EP400: variants seen among roughly 807,000 people sequenced by gnomAD.
EP400 encodes E1A-binding protein p400.
Under a neutral mutation model 354.1 loss-of-function variants are expected in EP400, and 105 were observed. The ratio of observed to expected loss-of-function variants is 0.30; its 90% confidence interval spans 0.25 to 0.35. EP400 has a LOEUF of 0.35. Among genes scored for constraint, EP400 ranks in the 10% least tolerant of loss-of-function variants. The probability of loss-of-function intolerance (pLI) is 1.00; values close to 1 mark genes in which losing one functional copy is unlikely to be tolerated. For missense variants in EP400, 3,280 were observed against 4,121.0 expected (o/e 0.80, Z 5.59); for synonymous variants, 1,646 against 1,716.9 (o/e 0.96, Z 1.02).
chr12:131,973,799 T>C (rs572026009), intron 2 of EP400, among the ~76,000 whole-genome samples: 62 of 152,216 alleles, frequency 4.1e-4, no homozygotes, highest in Non-Finnish European at 7.5e-4. Context: ...GGTTTTGTGG[T>C]TGTGTTGAGT....
chr12:132,017,636 A>G lies in EP400; in HGVS notation c.4025A>G (p.His1342Arg). The G allele has an allele frequency of 6.2e-7, 1 of 1,608,058 alleles. No homozygotes were observed. The highest frequency in any genetic ancestry group is 8.5e-7 in the Non-Finnish European group (1 of 1,176,406). The change falls in exon 20 of 53, where the codon CAC (histidine) becomes CGC (arginine). Residue 1342 changes from histidine to arginine, a missense_variant. Transcript: ENST00000389561. This position sits in a 1 kb window ranked among gnomAD's most constrained non-coding sequence, Gnocchi z 5.0. ...CACCCTGGGCTCGTCGAGCCCCGGC[A>G]CCCAGGCTCTTCCTACGTGGCGGGG... ...CNHPGLVEPR[H>R]PGSSYVAGPL...
At chr12:131,981,192 T>C (rs183259968) in intron 3 of EP400, among the ~76,000 whole-genome samples, 14 of 152,340 alleles carry the variant, frequency 9.2e-5, no homozygotes, top group Admixed American at 4.6e-4. Flanking sequence ...ATGCTCCTCA[T>C]GTGTGCCTGT....
chr12:131,963,429 T>A, intron 2 of EP400: 2 of 809,932 alleles, frequency 2.5e-6, no homozygotes, highest in East Asian at 2.7e-5. Context: ...ATTCCATTTT[T>A]AAACCCCAAA....
At chr12:131,988,007 T>G (rs927592510) in intron 7 of EP400, 117 bp downstream of exon 7, 7 of 869,908 alleles carry the variant, frequency 8.0e-6, no homozygotes, top group Non-Finnish European at 7.9e-6. Flanking sequence ...TTTTTTTTTT[T>G]TCCCCCAGAC....
At position 132,029,169 on chromosome 12, in the gene EP400, G is replaced by A. The variant is rs1894401522; in HGVS notation, c.5382-532G>A. On this transcript the variant is annotated intron_variant, in intron 27 of 52. Transcript: ENST00000389561. The surrounding 1 kb of genome is among the most constrained non-coding windows in gnomAD (Gnocchi z 4.7). ...TCGTTCAGTTTGAATACAGCTGGGAGTGAGTCATAGTTGATGTCCATAGCA... is the reference window on the plus strand; with the variant it reads ...TCGTTCAGTTTGAATACAGCTGGGAATGAGTCATAGTTGATGTCCATAGCA... The A allele has an allele frequency of 6.4e-6, 1 of 157,098 alleles. No individual in the cohort carries two copies. Among genetic ancestry groups the A allele is most frequent in the African/African-American group, 2.4e-5 (1 of 41,500 alleles). The allele number at this position is 157,098 out of a possible 1,614,324, so 9.7% of individuals were successfully genotyped here.
At position 132,028,000 on chromosome 12, in the gene EP400, A is replaced by G. The variant is rs191893795; in HGVS notation, c.5110-17A>G. 9,970 of 1,604,922 alleles carry G rather than the reference A, an allele frequency of 6.2e-3. 46 individuals are homozygous for G. The highest frequency in any genetic ancestry group is 7.8e-3 in the Non-Finnish European group (9,167 of 1,172,808). ...TCTGTTTCTCAAGTAACTGTTTTTC[A>G]TCACTTTTTGATAAAGGAGGAAAAG... On this transcript the variant is annotated splice_polypyrimidine_tract_variant and intron_variant, in intron 26 of 52. Transcript: ENST00000389561. The surrounding 1 kb of genome is among the most constrained non-coding windows in gnomAD (Gnocchi z 4.9).
rs201354377 is a variant in EP400 at position 132,026,816 on chromosome 12, CT to C, written c.5015-620del. 4.9e-3 allele frequency among the ~76,000 whole-genome samples: 749 copies of C among 152,324 alleles called. 5 individuals carry two copies. The highest frequency in any genetic ancestry group is 6.8e-3 in the Non-Finnish European group (463 of 68,036). On this transcript the variant is annotated intron_variant, in intron 25 of 52. Coordinates refer to ENST00000389561, the MANE Select transcript of EP400 (RefSeq NM_015409.5). ...TTTTTCCCTAAGGTGACTCTTACCC[CT>C]GGGCCCCTTTTCAGCACTCAGACAC...
At chr12:132,019,490 G>A (rs1270905703) in intron 21 of EP400, among the ~76,000 whole-genome samples, 1 of 152,058 alleles carries the variant, frequency 6.6e-6, no homozygotes, top group Non-Finnish European at 1.5e-5. Context: ...GATTGCTTGA[G>A]CCCAGGAGTT....
rs1208624533 is a variant in EP400, at chr12:132,055,145, A to G, written c.7821A>G (p.Pro2607=). 1.2e-6 allele frequency: 2 copies of G among 1,607,638 alleles called. No homozygotes were observed. The highest frequency in any genetic ancestry group is 4.5e-5 in the East Asian group (2 of 44,568). The change falls in exon 45 of 53, where the codon CCA becomes CCG. Residue 2607 remains proline (P), a synonymous_variant. Transcript: ENST00000389561. ...NVIVNTIAGV[P]AATFQSINKR... Reference sequence around the variant, plus strand: ...TCGTGAACACCATCGCAGGGGTCCCAGCTGCCACCTTCCAGTCCATCAACA... The same window carrying G: ...TCGTGAACACCATCGCAGGGGTCCCGGCTGCCACCTTCCAGTCCATCAACA...
At chr12:131,989,856 G>A (rs1157469904) in intron 7 of EP400, 108 bp from the exon 8 acceptor site, 3 of 1,303,910 alleles carry the variant, frequency 2.3e-6, no homozygotes, top group Non-Finnish European at 3.2e-6. Flanking sequence ...ATATGACAGT[G>A]AATTGTATGT....
intron 1 of EP400, among the ~76,000 whole-genome samples, chr12:131,952,506 A>T (rs929612146): frequency 6.6e-6 from 1 of 152,026 alleles, no homozygotes; most frequent in Non-Finnish European, 1.5e-5. Context: ...TCTGTCACCC[A>T]GGCTGGAGTG....
In EP400 at chr12:132,027,735, C is replaced by T. The variant is rs1212280587; in HGVS notation, c.5109+204C>T. On this transcript the variant is annotated intron_variant, in intron 26 of 52. Transcript: ENST00000389561. The surrounding 1 kb of genome is among the most constrained non-coding windows in gnomAD (Gnocchi z 4.9). Reference sequence around the variant, plus strand: ...CAATCTTTTTTTGTATTTTTTATGTCCTTCTGCAAGTCTTCCTGGGCATTA... The same window carrying T: ...CAATCTTTTTTTGTATTTTTTATGTTCTTCTGCAAGTCTTCCTGGGCATTA... Among the ~76,000 whole-genome samples the T allele has an allele frequency of 1.3e-5, 2 of 152,210 alleles. No homozygotes were observed. Among genetic ancestry groups the T allele is most frequent in the Non-Finnish European group, 2.9e-5 (2 of 68,030 alleles).
chr12:132,041,012 G>A (rs1366196437), intron 32 of EP400, among the ~76,000 whole-genome samples: 1 of 152,224 alleles, frequency 6.6e-6, no homozygotes, highest in Non-Finnish European at 1.5e-5. Flanking sequence ...CAGCAGGCGG[G>A]TCTTTGGAGG....
chr12:132,009,604 G>T (rs1477200781), intron 15 of EP400, among the ~76,000 whole-genome samples: 1 of 152,196 alleles, frequency 6.6e-6, no homozygotes, highest in Non-Finnish European at 1.5e-5. Context: ...AAAGATTGCG[G>T]TCAGCCACGA....
chr12:132,057,894 G>A (rs943324501), intron 45 of EP400, among the ~76,000 whole-genome samples: 2 of 152,144 alleles, frequency 1.3e-5, no homozygotes, highest in African/African-American at 2.4e-5. Context: ...TTTCATTCAC[G>A]ACATATTTTT....
Position 132,027,324 on chromosome 12 carries a change from G to A in EP400, c.5015-113G>A. The stretch of plus-strand genomic sequence containing the variant: ...ACTTGGGGACATGCCGTTGCAGAAT[G>A]ACTTTCTGTGGAGTGTGCTGGTGGA... On this transcript the variant is annotated intron_variant, in intron 25 of 52. Coordinates refer to ENST00000389561, the MANE Select transcript of EP400 (RefSeq NM_015409.5). The surrounding 1 kb of genome is among the most constrained non-coding windows in gnomAD (Gnocchi z 4.9). 1.9e-6 allele frequency: 2 copies of A among 1,037,296 alleles called. No homozygotes were observed. The highest frequency in any genetic ancestry group is 3.0e-6 in the Non-Finnish European group (2 of 673,460). The allele number at this position is 1,037,296 out of a possible 1,614,324, so 64.3% of individuals were successfully genotyped here. A position where few individuals can be genotyped will look rare whatever the true frequency, so the allele number is the denominator to read the frequency against.
At chr12:131,956,459 C>T (rs917674285) in intron 1 of EP400, among the ~76,000 whole-genome samples, 1 of 152,018 alleles carries the variant, frequency 6.6e-6, no homozygotes, top group Non-Finnish European at 1.5e-5. Context: ...TCTGATTATG[C>T]TTTTTAATTT....
At position 132,018,869 on chromosome 12, in the gene EP400, A is replaced by G. The variant is rs1406351055; in HGVS notation, c.4277+493A>G. On this transcript the variant is annotated intron_variant, in intron 21 of 52. Coordinates refer to ENST00000389561, the MANE Select transcript of EP400 (RefSeq NM_015409.5). The surrounding 1 kb of genome is among the most constrained non-coding windows in gnomAD (Gnocchi z 4.0). Reference sequence around the variant, plus strand: ...AAATGACTCATAGTCTAAATCTAGCAATTGGAAATATCCAAAATCCTATGC... The same window carrying G: ...AAATGACTCATAGTCTAAATCTAGCGATTGGAAATATCCAAAATCCTATGC... Among the ~76,000 whole-genome samples, 1 of 152,226 alleles carries G rather than the reference A, an allele frequency of 6.6e-6. No homozygotes were observed. The highest frequency in any genetic ancestry group is 1.5e-5 in the Non-Finnish European group (1 of 68,038).
rs368231801 is a variant in EP400 at position 132,029,668 on chromosome 12, T to C, written c.5382-33T>C. 11 of 1,603,824 alleles carry C rather than the reference T, an allele frequency of 6.9e-6. No homozygotes were observed. The African/African-American group carries it at 1.5e-4, about 21-fold the overall frequency. ...ATGCTGGGTGAAGGTGTGTGGCTCC[T>C]GGTGGTGACAAAACATGCTTTCTGC... On this transcript the variant is annotated intron_variant, in intron 27 of 52. Coordinates refer to ENST00000389561, the MANE Select transcript of EP400 (RefSeq NM_015409.5). This position sits in a 1 kb window ranked among gnomAD's most constrained non-coding sequence, Gnocchi z 4.7.
Sources: gnomAD v4.1 joint callset for allele counts (sites outside exome capture counted in the v4.1 genomes callset) on GRCh38, gnomAD v4.1.1 for gene constraint, Gnocchi (gnomAD v3.1) non-coding constraint, MANE v1.5 for transcripts, NCBI Gene and HGNC (gene_info 2026-07-23, HGNC 2026-07-21) for gene names.